The following SCLY variants were observed in gnomAD, a reference collection of about 807,000 sequenced individuals.
SCLY encodes the protein selenocysteine lyase, also known as putative selenocysteine lyase.
A neutral mutation model predicts 50.1 loss-of-function variants in SCLY; 38 were observed. The ratio of observed to expected loss-of-function variants is 0.76; its 90% CI spans 0.59 to 0.99. SCLY has a LOEUF of 0.99. Among genes scored for constraint, SCLY ranks in the 50% least tolerant of loss-of-function variants. The pLI, the probability that SCLY is intolerant of heterozygous loss-of-function variation, is 0.00. For missense variants in SCLY, 600 were observed against 620.0 expected, an observed-to-expected ratio of 0.97 and a Z score of 0.34; for synonymous variants, 243 against 249.4, an observed-to-expected ratio of 0.97 and a Z score of 0.24.
chr2:238,094,549 C>T (rs201064916), intron 10 of SCLY, 27 bp downstream of exon 10: 112 of 1,566,686 alleles, frequency 7.1e-5, no homozygotes, highest in Admixed American at 6.7e-5. Context: ...CTGGTCTTTC[C>T]GAGTGTGAGC....
At chr2:238,091,533 T>TACAC in intron 8 of SCLY, 8 of 400,300 alleles carry the variant, frequency 2.0e-5, no homozygotes, top group Admixed American at 4.0e-5. Flanking sequence ...AGGTGAAGTG[T>TACAC]CAAGCTGCAG....
Position 238,098,652 on chromosome 2 carries a change from C to T in SCLY, c.*297C>T. 1 of 465,026 alleles carries T rather than the reference C, an allele frequency of 2.2e-6. No individual in the cohort carries two copies. The highest frequency in any genetic ancestry group is 3.8e-6 in the Non-Finnish European group (1 of 264,766). The allele number at this position is 465,026 out of a possible 1,614,324, so 28.8% of individuals were successfully genotyped here. A position where few individuals can be genotyped will look rare whatever the true frequency, so the allele number is the denominator to read the frequency against. Reference sequence around the variant, plus strand: ...CCACATGGGACCGCCCACATGGGACCGCCCACATAGAACCGTCCTCCAGTG... The same window carrying T: ...CCACATGGGACCGCCCACATGGGACTGCCCACATAGAACCGTCCTCCAGTG... On this transcript the variant is annotated 3_prime_UTR_variant, in exon 12 of 12. Coordinates refer to ENST00000254663, the MANE Select transcript of SCLY (RefSeq NM_016510.7).
chr2:238,098,502 C>T lies in SCLY; in HGVS notation c.*147C>T, dbSNP rs1440124973. On this transcript the variant is annotated 3_prime_UTR_variant, in exon 12 of 12. Transcript: ENST00000254663. ...TCCTGGAGTGCCAGCGAGTGTGCAC[C>T]CCCAGTTTCCTTCCCTGGACCCCTG... 1 of 926,488 alleles carries T rather than the reference C, an allele frequency of 1.1e-6. No homozygotes were observed. The highest frequency in any genetic ancestry group is 1.6e-6 in the Non-Finnish European group (1 of 637,320). The allele number at this position is 926,488 out of a possible 1,614,324, so 57.4% of individuals were successfully genotyped here. A position where few individuals can be genotyped will look rare whatever the true frequency, so the allele number is the denominator to read the frequency against.
Position 238,064,355 on chromosome 2 carries a change from A to G in SCLY, c.90-2A>G. ...TGGGTGTCTTTGCTTTCTTTCCTTC[A>G]GGAAAGTTTATATGGACTATAATGC... On this transcript the variant is annotated splice_acceptor_variant, in intron 1 of 11. Coordinates refer to ENST00000254663, the MANE Select transcript of SCLY (RefSeq NM_016510.7). LOFTEE classifies it high-confidence loss of function. 1 of 1,582,458 alleles carries G rather than the reference A, an allele frequency of 6.3e-7. No individual in the cohort carries two copies. The highest frequency in any genetic ancestry group is 8.6e-7 in the Non-Finnish European group (1 of 1,164,764).
chr2:238,061,806 C>A (rs1233492721), intron 1 of SCLY, among the ~76,000 whole-genome samples: 1 of 152,142 alleles, frequency 6.6e-6, no homozygotes, highest in Non-Finnish European at 1.5e-5. Flanking sequence ...CTGAGAAGCG[C>A]GGAGACCCGA....
chr2:238,098,171 A>T (rs374277534), intron 11 of SCLY, 31 bp from the exon 12 acceptor site: 8 of 1,602,400 alleles, frequency 5.0e-6, no homozygotes, highest in Non-Finnish European at 6.0e-6. Flanking sequence ...TGCCCTCAGC[A>T]GCAGCTGCAG....
chr2:238,069,714 G>C lies in SCLY; in HGVS notation c.484+237G>C. The C allele has an allele frequency of 1.2e-5, 5 of 426,946 alleles. No homozygotes were observed. Among genetic ancestry groups the C allele is most frequent in the Non-Finnish European group, 2.1e-5 (5 of 243,032 alleles). The allele number at this position is 426,946 out of a possible 1,614,324, so 26.4% of individuals were successfully genotyped here. ...GGTGCAGAGGCCAGCTGCCACAAGG[G>C]GGTTGGCAAGTGTGGCCAAACTTTC... is the stretch of plus-strand genomic sequence containing the variant. On this transcript the variant is annotated intron_variant, in intron 4 of 11. Transcript: ENST00000254663. This position sits in a 1 kb window ranked among gnomAD's most constrained non-coding sequence, Gnocchi z 5.0.
In SCLY at chr2:238,093,873, G is replaced by T; in HGVS notation, c.934G>T (p.Val312Leu). Reference protein sequence around the residue: ...IAGLGKAAELVTQNCEAYEAH... With the variant: ...IAGLGKAAELLTQNCEAYEAH... ...TGTCTGCCCCCAGGCCGCGGAGCTGGTGACCCAGAACTGCGAGGCTTATGA... is the reference window on the plus strand; with the variant it reads ...TGTCTGCCCCCAGGCCGCGGAGCTGTTGACCCAGAACTGCGAGGCTTATGA... Residue 312 changes from valine (V) to leucine (L), a missense_variant, in exon 9 of 12, where the codon GTG becomes TTG. Coordinates refer to ENST00000254663, the MANE Select transcript of SCLY (RefSeq NM_016510.7). The T allele has an allele frequency of 6.2e-7, 1 of 1,613,962 alleles. No individual in the cohort carries two copies. The highest frequency in any genetic ancestry group is 2.2e-5 in the East Asian group (1 of 44,888).
intron 8 of SCLY, 58 bp from the exon 9 acceptor site, chr2:238,093,803 T>C: frequency 6.6e-7 from 1 of 1,505,656 alleles, no homozygotes; most frequent in African/African-American, 1.4e-5. Context: ...TGAAAGCTTT[T>C]TGGCCCTCCT....
Position 238,079,713 on chromosome 2 carries a change from T to G in SCLY, c.485-1996T>G, listed in dbSNP as rs566930440. ...CTTTTGCTGATTGCGAGATAGTTTC[T>G]CTGTCTTTGGCTTTCAACATTTTCA... is the stretch of plus-strand genomic sequence containing the variant. On this transcript the variant is annotated intron_variant, in intron 4 of 11. Coordinates refer to ENST00000254663, the MANE Select transcript of SCLY (RefSeq NM_016510.7). 9.8e-5 allele frequency: 15 copies of G among 152,358 alleles called. No individual in the cohort carries two copies. The South Asian group carries it at 1.0e-3, about 11-fold the overall frequency. The allele number at this position is 152,358 out of a possible 1,614,324, so 9.4% of individuals were successfully genotyped here. A position where few individuals can be genotyped will look rare whatever the true frequency, so the allele number is the denominator to read the frequency against.
Position 238,082,193 on chromosome 2 carries a change from C to A in SCLY, c.761C>A (p.Thr254Lys). ...GAGGACCTGGGCGTGGACTTCCTTACAATCGTGGGGCACAAGGTAAGTCTG... is the reference window on the plus strand; with the variant it reads ...GAGGACCTGGGCGTGGACTTCCTTAAAATCGTGGGGCACAAGGTAAGTCTG... Reference protein sequence around the residue: ...DVEDLGVDFLTIVGHKFYGPR... With the variant: ...DVEDLGVDFLKIVGHKFYGPR... Residue 254 changes from threonine (T) to lysine (K), a missense_variant, in exon 6 of 12, where the codon ACA becomes AAA. Transcript: ENST00000254663. 6.2e-7 allele frequency: 1 copy of A among 1,608,302 alleles called. No homozygotes were observed. Among genetic ancestry groups the A allele is most frequent in the South Asian group, 1.1e-5 (1 of 90,718 alleles).
chr2:238,069,618 G>A lies in SCLY; in HGVS notation c.484+141G>A, dbSNP rs2065108509. The stretch of plus-strand genomic sequence containing the variant: ...CTCACTGTAACTCACTGGTTCTGAT[G>A]AGGAGGCAGGCCCTGGCACCTTGGT... On this transcript the variant is annotated intron_variant, in intron 4 of 11. Coordinates refer to ENST00000254663, the MANE Select transcript of SCLY (RefSeq NM_016510.7). The surrounding 1 kb of genome is among the most constrained non-coding windows in gnomAD (Gnocchi z 5.0). 1 of 764,282 alleles carries A rather than the reference G, an allele frequency of 1.3e-6. No individual in the cohort carries two copies. The highest frequency in any genetic ancestry group is 1.8e-5 in the African/African-American group (1 of 55,046). The allele number at this position is 764,282 out of a possible 1,614,324, so 47.3% of individuals were successfully genotyped here. A position where few individuals can be genotyped will look rare whatever the true frequency, so the allele number is the denominator to read the frequency against.
intron 4 of SCLY, chr2:238,081,451 G>A (rs776002054): frequency 7.8e-5 from 33 of 423,184 alleles, no homozygotes; most frequent in Non-Finnish European, 1.2e-4. Flanking sequence ...TTCCGTCTCC[G>A]TAGAAGCAGA....
rs1279684690 is a variant in SCLY at position 238,099,350 on chromosome 2, TTGA to T, written c.*1000_*1002del. The stretch of plus-strand genomic sequence containing the variant: ...GTGGTTTTACGGTTCAAGGAACTAC[TTGA>T]TGATTTTGAGGAAACACTTGCCAGA... On this transcript the variant is annotated 3_prime_UTR_variant, in exon 12 of 12. Coordinates refer to ENST00000254663, the MANE Select transcript of SCLY (RefSeq NM_016510.7). 1.9e-5 allele frequency: 9 copies of T among 467,064 alleles called. No individual in the cohort carries two copies. Among genetic ancestry groups the T allele is most frequent in the African/African-American group, 1.0e-4 (5 of 49,956 alleles). The allele number at this position is 467,064 out of a possible 1,614,324, so 28.9% of individuals were successfully genotyped here. A position where few individuals can be genotyped will look rare whatever the true frequency, so the allele number is the denominator to read the frequency against.
chr2:238,084,146 C>T (rs1014359054), intron 7 of SCLY, among the ~76,000 whole-genome samples: 2 of 152,234 alleles, frequency 1.3e-5, no homozygotes, highest in Non-Finnish European at 1.5e-5. Flanking sequence ...GTATCCCACA[C>T]CACCACCGGG....
chr2:238,084,916 C>G (rs1472021935), intron 7 of SCLY, among the ~76,000 whole-genome samples: 3 of 82,428 alleles, frequency 3.6e-5, no homozygotes, highest in African/African-American at 1.5e-4. Context: ...AAAAAAGAAA[C>G]CTAGACTTCT....
intron 7 of SCLY, among the ~76,000 whole-genome samples, chr2:238,090,359 G>C (rs2065349173): frequency 6.6e-6 from 1 of 152,198 alleles, no homozygotes; most frequent in African/African-American, 2.4e-5. Context: ...GCAAACTTAA[G>C]AAATTAATGG....
In SCLY at chr2:238,067,272, G is replaced by A. The variant is rs570959116; in HGVS notation, c.203-793G>A. Among the ~76,000 whole-genome samples, 1 of 152,270 alleles carries A rather than the reference G, an allele frequency of 6.6e-6. No individual in the cohort carries two copies. The highest frequency in any genetic ancestry group is 2.1e-4 in the South Asian group (1 of 4,820). On this transcript the variant is annotated intron_variant, in intron 2 of 11. Coordinates refer to ENST00000254663, the MANE Select transcript of SCLY (RefSeq NM_016510.7). This position sits in a 1 kb window ranked among gnomAD's most constrained non-coding sequence, Gnocchi z 4.3. Reference sequence around the variant, plus strand: ...CGTTAAGGAGCAGCAGAATTACTTTGCATATTTATTTTACCTCAGCTTTTT... The same window carrying A: ...CGTTAAGGAGCAGCAGAATTACTTTACATATTTATTTTACCTCAGCTTTTT...
At chr2:238,087,562 T>C (rs1436999632) in intron 7 of SCLY, among the ~76,000 whole-genome samples, 3 of 152,174 alleles carry the variant, frequency 2.0e-5, no homozygotes, top group African/African-American at 7.2e-5. Flanking sequence ...ATTAGAGAAT[T>C]CTATCGAAGA....
Sources: gnomAD v4.1 joint callset for allele counts (sites outside exome capture counted in the v4.1 genomes callset) on GRCh38, gnomAD v4.1.1 for gene constraint, Gnocchi (gnomAD v3.1) non-coding constraint, MANE v1.5 for transcripts, NCBI Gene and HGNC (gene_info 2026-07-23, HGNC 2026-07-21) for gene names.